The following ZCWPW2 variants were observed in gnomAD, a reference collection of about 807,000 sequenced individuals.
The protein encoded by ZCWPW2 is zinc finger CW-type and PWWP domain containing 2.
A neutral mutation model predicts 46.6 loss-of-function variants in ZCWPW2; 45 were observed. That is an observed-to-expected ratio of 0.96 (90% CI 0.76 to 1.24). ZCWPW2 has a LOEUF of 1.24. ZCWPW2 is among the 50% of genes most tolerant of loss of function. ZCWPW2 has a pLI of 0.00. For synonymous variants in ZCWPW2, 152 were observed against 137.1 expected (o/e 1.11, Z -0.76); for missense variants, 429 against 403.9 (o/e 1.06, Z -0.53).
intron 6 of ZCWPW2, among the ~76,000 whole-genome samples, chr3:28,496,852 A>G (rs1345507199): frequency 6.6e-6 from 1 of 151,652 alleles, no homozygotes; most frequent in African/African-American, 2.4e-5. Flanking sequence ...GAAAACAGGC[A>G]TAGGGATGTT....
At chr3:28,429,841 C>T (rs1380493499) in intron 3 of ZCWPW2, among the ~76,000 whole-genome samples, 1 of 152,184 alleles carries the variant, frequency 6.6e-6, no homozygotes, top group Non-Finnish European at 1.5e-5. Context: ...TGGCAGCTTA[C>T]ACATGGTGTT....
chr3:28,404,008 C>G (rs1214938128), intron 2 of ZCWPW2, among the ~76,000 whole-genome samples: 2 of 151,904 alleles, frequency 1.3e-5, no homozygotes, highest in African/African-American at 4.8e-5. Context: ...ACCAAGAACC[C>G]AAAAGAAAAT....
chr3:28,388,294 C>G (rs1695353227), intron 1 of ZCWPW2, among the ~76,000 whole-genome samples: 1 of 152,112 alleles, frequency 6.6e-6, no homozygotes, highest in South Asian at 2.1e-4. Flanking sequence ...GTGGCCTAGC[C>G]AAATTGACAC....
At position 28,417,214 on chromosome 3, in the gene ZCWPW2, C is replaced by T. The variant is rs143153019; in HGVS notation, c.332+3814C>T. On this transcript the variant is annotated intron_variant, in intron 3 of 9. Coordinates refer to ENST00000383768, the MANE Select transcript of ZCWPW2 (RefSeq NM_001040432.4). ...ACTGATCCCACAGAAATACAAACTA[C>T]CATCAGAGAATACTATAAATACCTC... Among the ~76,000 whole-genome samples the T allele has an allele frequency of 1.1e-4, 17 of 152,050 alleles. 1 individual carries two copies. In the East Asian group the frequency reaches 2.9e-3, roughly 26 times the overall value.
At chr3:28,485,574 T>A (rs529907956) in intron 5 of ZCWPW2, among the ~76,000 whole-genome samples, 1 of 152,298 alleles carries the variant, frequency 6.6e-6, no homozygotes, top group South Asian at 2.1e-4. Flanking sequence ...GCTCTGTTGT[T>A]AGGTGCATGT....
At chr3:28,409,833 C>A (rs1696328285) in intron 2 of ZCWPW2, among the ~76,000 whole-genome samples, 1 of 151,826 alleles carries the variant, frequency 6.6e-6, no homozygotes, top group East Asian at 1.9e-4. Context: ...ATAAAAGGTG[C>A]ACAAAAATGC....
chr3:28,370,606 G>A (rs1361560358), intron 1 of ZCWPW2, among the ~76,000 whole-genome samples: 1 of 152,172 alleles, frequency 6.6e-6, no homozygotes, highest in African/African-American at 2.4e-5. Flanking sequence ...GATATCTAAG[G>A]TGGTGTTTAT....
chr3:28,349,142 C>T lies in ZCWPW2; in HGVS notation c.-195C>T. 2 of 985,594 alleles carry T rather than the reference C, an allele frequency of 2.0e-6. No individual in the cohort carries two copies. The highest frequency in any genetic ancestry group is 2.4e-6 in the Non-Finnish European group (2 of 830,130). 61.1% of individuals were successfully genotyped at this position (985,594 alleles called of 1,614,324 possible). On this transcript the variant is annotated 5_prime_UTR_variant, in exon 1 of 10. Transcript: ENST00000383768. ...CGCGGCGTACTACATGTCCCGTGAGCCTCCGCGGCGGGACGGGGCGGGGCC... is the reference window on the plus strand; with the variant it reads ...CGCGGCGTACTACATGTCCCGTGAGTCTCCGCGGCGGGACGGGGCGGGGCC...
At chr3:28,444,809 A>G (rs1697921867) in intron 4 of ZCWPW2, among the ~76,000 whole-genome samples, 2 of 152,174 alleles carry the variant, frequency 1.3e-5, no homozygotes, top group South Asian at 4.1e-4. Flanking sequence ...GGAGGGACCA[A>G]CCAGCTTCAT....
chr3:28,459,911 A>C (rs1404990529), intron 4 of ZCWPW2, among the ~76,000 whole-genome samples: 1 of 152,130 alleles, frequency 6.6e-6, no homozygotes, highest in Non-Finnish European at 1.5e-5. Flanking sequence ...GATATTCAAA[A>C]CTTTTAGTAA....
At chr3:28,450,065 CT>C (rs1391143881) in intron 4 of ZCWPW2, among the ~76,000 whole-genome samples, 3 of 152,160 alleles carry the variant, frequency 2.0e-5, no homozygotes, top group Non-Finnish European at 4.4e-5. Context: ...ATCAGAATCT[CT>C]TGGAAAAGGG....
intron 1 of ZCWPW2, among the ~76,000 whole-genome samples, chr3:28,361,737 A>C (rs1274932219): frequency 6.6e-6 from 1 of 152,218 alleles, no homozygotes; most frequent in Non-Finnish European, 1.5e-5. Flanking sequence ...CATTTTTCTA[A>C]AGAAGATATG....
intron 3 of ZCWPW2, among the ~76,000 whole-genome samples, chr3:28,419,955 C>A (rs1050638665): frequency 5.2e-5 from 7 of 134,896 alleles, no homozygotes; most frequent in Non-Finnish European, 7.9e-5. Context: ...GGATAGCATT[C>A]GGAGATATAC....
chr3:28,353,591 C>G (rs1395645839), intron 1 of ZCWPW2, among the ~76,000 whole-genome samples: 2 of 152,146 alleles, frequency 1.3e-5, no homozygotes, highest in Non-Finnish European at 2.9e-5. Flanking sequence ...AAGTTGTGTC[C>G]TAGACATACA....
intron 2 of ZCWPW2, among the ~76,000 whole-genome samples, chr3:28,406,859 G>T (rs963642139): frequency 1.4e-5 from 2 of 144,982 alleles, no homozygotes; most frequent in South Asian, 4.4e-4. Flanking sequence ...ACAAGGTCTC[G>T]GTCTGTCACC....
At chr3:28,389,072 CATT>C (rs757463404) in intron 1 of ZCWPW2, among the ~76,000 whole-genome samples, 17 of 152,122 alleles carry the variant, frequency 1.1e-4, no homozygotes, top group Non-Finnish European at 2.5e-4. Flanking sequence ...TCAATGGAAT[CATT>C]GTTGTGTCTC....
chr3:28,452,631 C>T (rs1201966591), intron 4 of ZCWPW2, among the ~76,000 whole-genome samples: 2 of 152,084 alleles, frequency 1.3e-5, no homozygotes. Context: ...TAGCATCTGC[C>T]TTATAAAGTG....
At chr3:28,410,310 G>A (rs1696350557) in intron 2 of ZCWPW2, among the ~76,000 whole-genome samples, 1 of 151,846 alleles carries the variant, frequency 6.6e-6, no homozygotes, top group Admixed American at 6.6e-5. Context: ...CATTTAGTAT[G>A]GATAGAGAAA....
At chr3:28,428,119 C>T (rs1160349321) in intron 3 of ZCWPW2, 4 of 152,128 alleles carry the variant, frequency 2.6e-5, no homozygotes, top group African/African-American at 9.7e-5. Context: ...AGGTAAACTC[C>T]ACTCAAGTTT....
Sources: allele counts gnomAD v4.1 joint callset (sites outside exome capture counted in the v4.1 genomes callset), GRCh38; gene constraint gnomAD v4.1.1; transcripts MANE v1.5; gene names NCBI Gene and HGNC (gene_info 2026-07-23, HGNC 2026-07-21).